Variants in SMCP observed in about 807,000 individuals in gnomAD.
SMCP encodes the protein sperm mitochondrial-associated cysteine-rich protein.
For missense variants in SMCP, 137 were observed against 137.1 expected (o/e 1.00, Z 0.01); for synonymous variants, 41 against 46.9 (o/e 0.87, Z 0.51).
chr1:152,882,194 C>A (rs1649074683), intron 1 of SMCP, among the ~76,000 whole-genome samples: 1 of 152,096 alleles, frequency 6.6e-6, no homozygotes, highest in Non-Finnish European at 1.5e-5. Context: ...TGGTTCTGAA[C>A]CCCCGACCTC....
At chr1:152,879,080 T>C (rs1170952834) in intron 1 of SMCP, among the ~76,000 whole-genome samples, 2 of 152,140 alleles carry the variant, frequency 1.3e-5, no homozygotes, top group Non-Finnish European at 2.9e-5. Context: ...AATAGAGCAA[T>C]AAGAGCTAGG....
intron 1 of SMCP, among the ~76,000 whole-genome samples, chr1:152,883,303 G>A (rs1186707266): frequency 2.0e-5 from 3 of 152,210 alleles, no homozygotes; most frequent in Admixed American, 1.3e-4. Context: ...TCCTTGAGGA[G>A]GCTAGATAAC....
At chr1:152,880,968 G>C (rs1265593957) in intron 1 of SMCP, among the ~76,000 whole-genome samples, 2 of 756 alleles carry the variant, frequency 2.6e-3, no homozygotes, top group African/African-American at 0.011. Context: ...ATAAGAGGTA[G>C]CACTGTGCTC....
Position 152,884,943 on chromosome 1 carries a change from C to A in SMCP, c.*170C>A. ...CTATTTCCCATCATAGCTCCCTACC[C>A]TAGGGAGGCCTCCATCTGGAAATGG... On this transcript the variant is annotated 3_prime_UTR_variant, in exon 2 of 2. Coordinates refer to ENST00000368765, the MANE Select transcript of SMCP (RefSeq NM_030663.3). The A allele has an allele frequency of 1.6e-6, 1 of 629,286 alleles. No individual in the cohort carries two copies. The highest frequency in any genetic ancestry group is 2.8e-6 in the Non-Finnish European group (1 of 355,374). 39.0% of individuals were successfully genotyped at this position (629,286 alleles called of 1,614,324 possible). A position where few individuals can be genotyped will look rare whatever the true frequency, so the allele number is the denominator to read the frequency against.
Position 152,884,904 on chromosome 1 carries a change from C to A in SMCP, c.*131C>A. 1.3e-6 allele frequency: 1 copy of A among 772,260 alleles called. No individual in the cohort carries two copies. Among genetic ancestry groups the A allele is most frequent in the Non-Finnish European group, 2.1e-6 (1 of 478,146 alleles). The allele number at this position is 772,260 out of a possible 1,614,324, so 47.8% of individuals were successfully genotyped here. On this transcript the variant is annotated 3_prime_UTR_variant, in exon 2 of 2. Coordinates refer to ENST00000368765, the MANE Select transcript of SMCP (RefSeq NM_030663.3). Reference sequence around the variant, plus strand: ...TTTTCACAGTGACTACCATTTCCACCCAATGAGAGGCTCCTATTTCCCATC... The same window carrying A: ...TTTTCACAGTGACTACCATTTCCACACAATGAGAGGCTCCTATTTCCCATC...
Position 152,882,111 on chromosome 1 carries a change from G to A in SMCP, c.-20-2292G>A, listed in dbSNP as rs534757262. Among the ~76,000 whole-genome samples, 128 of 152,278 alleles carry A rather than the reference G, an allele frequency of 8.4e-4. No homozygotes were observed. In the Middle Eastern group the frequency reaches 0.017, roughly 20 times the overall value. ...CTGCCTCAGTCTCCCAAGTATCTGG[G>A]ATTACAGGCACCTGCCACCATGCCC... On this transcript the variant is annotated intron_variant, in intron 1 of 1. Coordinates refer to ENST00000368765, the MANE Select transcript of SMCP (RefSeq NM_030663.3).
At chr1:152,880,812 C>T (rs1403912480) in intron 1 of SMCP, among the ~76,000 whole-genome samples, 1 of 152,038 alleles carries the variant, frequency 6.6e-6, no homozygotes, top group African/African-American at 2.4e-5. Flanking sequence ...TGCCCTTGAC[C>T]CAGTTCAGGC....
chr1:152,881,426 C>T (rs1054040859), intron 1 of SMCP, among the ~76,000 whole-genome samples: 2 of 152,064 alleles, frequency 1.3e-5, no homozygotes, highest in East Asian at 1.9e-4. Flanking sequence ...CGGTGGCTCA[C>T]GCCTGTAATC....
At chr1:152,882,355 G>A (rs1649080604) in intron 1 of SMCP, among the ~76,000 whole-genome samples, 1 of 152,162 alleles carries the variant, frequency 6.6e-6, no homozygotes, top group Non-Finnish European at 1.5e-5. Context: ...CAAAAGAAGA[G>A]GACAAGACAA....
Position 152,884,675 on chromosome 1 carries a change from A to G in SMCP, c.253A>G (p.Met85Val). 1.9e-6 allele frequency: 3 copies of G among 1,614,178 alleles called. No homozygotes were observed. The highest frequency in any genetic ancestry group is 1.1e-5 in the South Asian group (1 of 91,078). ...ETKPEVSPLN[M>V]ESEPNSPQTQ... ...CAAGCCTGAAGTCTCACCCCTTAAC[A>G]TGGAGTCTGAGCCCAACTCACCGCA... The change falls in exon 2 of 2, where the codon ATG becomes GTG. Residue 85 changes from methionine to valine, a missense_variant. By Grantham distance (21) the Met-to-Val change is conservative. Coordinates refer to ENST00000368765, the MANE Select transcript of SMCP (RefSeq NM_030663.3).
chr1:152,884,583 AAC>A lies in SMCP; in HGVS notation c.165_166del (p.His55GlnfsTer24). 1.2e-6 allele frequency: 2 copies of A among 1,614,064 alleles called. No homozygotes were observed. The highest frequency in any genetic ancestry group is 1.7e-6 in the Non-Finnish European group (2 of 1,180,004). ...AAAGGCAGTCAATGCTGCCCACCAA[AAC>A]ACAATCACTGCTGCCAGCCAAAACC... is the stretch of plus-strand genomic sequence containing the variant. On this transcript the variant is annotated frameshift_variant, in exon 2 of 2. Coordinates refer to ENST00000368765, the MANE Select transcript of SMCP (RefSeq NM_030663.3). LOFTEE classifies it low-confidence loss of function (END_TRUNC).
chr1:152,880,128 A>G (rs1259351578), intron 1 of SMCP, among the ~76,000 whole-genome samples: 3 of 151,576 alleles, frequency 2.0e-5, no homozygotes, highest in Admixed American at 6.6e-5. Context: ...GGCAGAGAGG[A>G]AAAAAAAATA....
At position 152,884,666 on chromosome 1, in the gene SMCP, C is replaced by A; in HGVS notation, c.244C>A (p.Pro82Thr). The A allele has an allele frequency of 6.2e-7, 1 of 1,614,190 alleles. No individual in the cohort carries two copies. Among genetic ancestry groups the A allele is most frequent in the Non-Finnish European group, 8.5e-7 (1 of 1,180,032 alleles). ...CGLETKPEVS[P>T]LNMESEPNSP... ...TTTGGAGACCAAGCCTGAAGTCTCACCCCTTAACATGGAGTCTGAGCCCAA... is the reference window on the plus strand; with the variant it reads ...TTTGGAGACCAAGCCTGAAGTCTCAACCCTTAACATGGAGTCTGAGCCCAA... The change falls in exon 2 of 2, where the codon CCC becomes ACC. Residue 82 changes from proline to threonine, a missense_variant. Pro to Thr is a conservative substitution (Grantham distance 38, BLOSUM62 -1). Transcript: ENST00000368765.
intron 1 of SMCP, among the ~76,000 whole-genome samples, chr1:152,879,848 T>G (rs1345737103): frequency 6.6e-6 from 1 of 152,098 alleles, no homozygotes; most frequent in Non-Finnish European, 1.5e-5. Context: ...AGTGGGGACA[T>G]TGGTGGGACT....
At chr1:152,879,629 A>G (rs1365351729) in intron 1 of SMCP, among the ~76,000 whole-genome samples, 1 of 152,174 alleles carries the variant, frequency 6.6e-6, no homozygotes, top group African/African-American at 2.4e-5. Context: ...GATACTATTC[A>G]CCAGGCAGAA....
chr1:152,883,970 C>A (rs1231489561), intron 1 of SMCP, among the ~76,000 whole-genome samples: 1 of 152,156 alleles, frequency 6.6e-6, no homozygotes. Context: ...CACTTACAAG[C>A]AACTGAGGTG....
intron 1 of SMCP, among the ~76,000 whole-genome samples, chr1:152,881,345 A>G (rs982973179): frequency 6.6e-6 from 1 of 152,104 alleles, no homozygotes; most frequent in Non-Finnish European, 1.5e-5. Context: ...AGAGGATGAT[A>G]CAGATTTTTG....
intron 1 of SMCP, among the ~76,000 whole-genome samples, chr1:152,880,158 A>T (rs1471996006): frequency 6.6e-6 from 1 of 152,100 alleles, no homozygotes; most frequent in East Asian, 1.9e-4. Context: ...AAAAATAAAC[A>T]CAGAGAGGAA....
chr1:152,881,397 G>A (rs1570900622), intron 1 of SMCP, among the ~76,000 whole-genome samples: 1 of 152,140 alleles, frequency 6.6e-6, no homozygotes, highest in African/African-American at 2.4e-5. Flanking sequence ...CTGCTATAAA[G>A]ATACTACCCG....
Sources: gnomAD v4.1 joint callset for allele counts (sites outside exome capture counted in the v4.1 genomes callset) on GRCh38, gnomAD v4.1.1 for gene constraint, MANE v1.5 for transcripts, NCBI Gene and HGNC (gene_info 2026-07-23, HGNC 2026-07-21) for gene names.